NRP2: variants seen among roughly 807,000 people sequenced by gnomAD.
NRP2 encodes the protein neuropilin 2, also known as neuropilin-2.
Under a neutral mutation model 110.4 loss-of-function variants are expected in NRP2, and 52 were observed. The observed-to-expected ratio is 0.47, with a 90% confidence interval of 0.38 to 0.59. The LOEUF is 0.59. NRP2 is among the 20% of genes least tolerant of loss of function. The probability of loss-of-function intolerance (pLI) is 0.00; values close to 1 mark genes in which losing one functional copy is unlikely to be tolerated. For synonymous variants in NRP2, 508 were observed against 468.9 expected, an observed-to-expected ratio of 1.08 and a Z score of -1.08; for missense variants, 1,049 against 1,203.0, an observed-to-expected ratio of 0.87 and a Z score of 1.89.
At position 205,725,927 on chromosome 2, in the gene NRP2, G is replaced by A. The variant is rs748715982; in HGVS notation, c.835G>A (p.Val279Ile). 26 of 1,614,034 alleles carry A rather than the reference G, an allele frequency of 1.6e-5. No homozygotes were observed. The Admixed American group carries it at 4.0e-4, about 25-fold the overall frequency. Residue 279 changes from valine to isoleucine, a missense_variant, in exon 6 of 17, where the codon GTT becomes ATT. By Grantham distance (29) the Val-to-Ile change is conservative. Coordinates refer to ENST00000357785, the MANE Select transcript of NRP2 (RefSeq NM_003872.3). The surrounding 1 kb of genome is among the most constrained non-coding windows in gnomAD (Gnocchi z 4.1). ...QEPLENFQCNVPLGMESGRIA... is the reference protein window; with the variant it reads ...QEPLENFQCNIPLGMESGRIA... Reference sequence around the variant, plus strand: ...GCTTTCCCCAGACTTTCAGTGCAATGTTCCTCTGGGCATGGAGTCTGGCCG... The same window carrying A: ...GCTTTCCCCAGACTTTCAGTGCAATATTCCTCTGGGCATGGAGTCTGGCCG...
intron 2 of NRP2, among the ~76,000 whole-genome samples, chr2:205,704,487 A>G (rs962039323): frequency 6.6e-6 from 1 of 152,112 alleles, no homozygotes; most frequent in African/African-American, 2.4e-5. Context: ...CAATCCTCCT[A>G]ATGACAGAAA....
intron 15 of NRP2, among the ~76,000 whole-genome samples, chr2:205,775,873 A>G (rs947343951): frequency 2.6e-5 from 4 of 152,154 alleles, no homozygotes; most frequent in Admixed American, 6.5e-5. Context: ...AAGAATTAGA[A>G]CACTTCCATA....
chr2:205,727,795 G>A, intron 6 of NRP2, 96 bp from the exon 7 acceptor site: 1 of 1,265,526 alleles, frequency 7.9e-7, no homozygotes, highest in Non-Finnish European at 1.1e-6. Flanking sequence ...GATACAGGTT[G>A]GAAGCAAAGT....
intron 16 of NRP2, among the ~76,000 whole-genome samples, chr2:205,793,558 A>T (rs1450921509): frequency 6.6e-6 from 1 of 152,158 alleles, no homozygotes; most frequent in Admixed American, 6.5e-5. Flanking sequence ...GAAATGTAAG[A>T]TCAACATGTG....
chr2:205,744,576 T>A (rs983121672), intron 9 of NRP2, among the ~76,000 whole-genome samples: 2 of 152,118 alleles, frequency 1.3e-5, no homozygotes, highest in Admixed American at 6.5e-5. Context: ...ACGTCATACC[T>A]CTGTCCCTCC....
intron 7 of NRP2, among the ~76,000 whole-genome samples, chr2:205,734,001 C>A (rs934691584): frequency 1.3e-5 from 2 of 152,168 alleles, no homozygotes; most frequent in Admixed American, 6.5e-5. Flanking sequence ...GCAGCCGCCC[C>A]TGTGCCTCTG....
intron 7 of NRP2, 23 bp from the exon 8 acceptor site, chr2:205,740,496 T>G (rs1284172600): frequency 6.2e-7 from 1 of 1,613,940 alleles, no homozygotes; most frequent in Non-Finnish European, 8.5e-7. Flanking sequence ...TTCAATAACA[T>G]GGTTTTGCAT....
At position 205,686,866 on chromosome 2, in the gene NRP2, C is replaced by G. The variant is rs1369653671; in HGVS notation, c.73+3503C>G. 7.9e-5 allele frequency among the ~76,000 whole-genome samples: 12 copies of G among 152,200 alleles called. No individual in the cohort carries two copies. The highest frequency in any genetic ancestry group is 1.3e-4 in the Non-Finnish European group (9 of 68,048). On this transcript the variant is annotated intron_variant, in intron 1 of 16. Transcript: ENST00000357785. This position sits in a 1 kb window ranked among gnomAD's most constrained non-coding sequence, Gnocchi z 4.7. Reference sequence around the variant, plus strand: ...TCAGACAGAGAGGAGAGCCCCCTGGCGCTAGCCATTCCCGATCAGCGCCCA... The same window carrying G: ...TCAGACAGAGAGGAGAGCCCCCTGGGGCTAGCCATTCCCGATCAGCGCCCA...
At chr2:205,780,999 T>C (rs2058167923) in intron 15 of NRP2, among the ~76,000 whole-genome samples, 1 of 152,182 alleles carries the variant, frequency 6.6e-6, no homozygotes, top group Admixed American at 6.5e-5. Flanking sequence ...TTTGTTCCCA[T>C]TAGTAAAGAA....
At chr2:205,759,370 G>A (rs2057785425) in intron 12 of NRP2, 1 of 152,208 alleles carries the variant, frequency 6.6e-6, no homozygotes, top group Non-Finnish European at 1.5e-5. Context: ...GTTTCTGATG[G>A]TTAGGGTTGT....
intron 15 of NRP2, among the ~76,000 whole-genome samples, chr2:205,772,270 A>G (rs1228228411): frequency 2.6e-5 from 4 of 152,374 alleles, no homozygotes; most frequent in Admixed American, 6.5e-5. Context: ...GTTGTTACAG[A>G]CACGTTTCCC....
intron 2 of NRP2, among the ~76,000 whole-genome samples, chr2:205,707,563 A>T (rs1455132461): frequency 6.6e-6 from 1 of 152,230 alleles, no homozygotes; most frequent in Non-Finnish European, 1.5e-5. Flanking sequence ...CACGTTTTTC[A>T]GATGAGTTTT....
chr2:205,744,248 CTCTT>C (rs1307439240), intron 9 of NRP2, among the ~76,000 whole-genome samples: 3 of 152,308 alleles, frequency 2.0e-5, no homozygotes, highest in African/African-American at 7.2e-5. Flanking sequence ...AAGTTCAACA[CTCTT>C]TATACACTCT....
At chr2:205,774,040 C>A (rs920582836) in intron 15 of NRP2, among the ~76,000 whole-genome samples, 1 of 152,174 alleles carries the variant, frequency 6.6e-6, no homozygotes, top group Admixed American at 6.5e-5. Flanking sequence ...CCAGGACACC[C>A]TTTGGGGAGA....
intron 15 of NRP2, among the ~76,000 whole-genome samples, chr2:205,772,814 G>A (rs950353749): frequency 3.9e-5 from 6 of 152,142 alleles, no homozygotes; most frequent in African/African-American, 7.2e-5. Context: ...TCAGCAATTC[G>A]GGCATCTGGT....
chr2:205,794,868 T>C lies in NRP2; in HGVS notation c.2591T>C (p.Ile864Thr). 6.2e-7 allele frequency: 1 copy of C among 1,614,154 alleles called. No homozygotes were observed. The change falls in exon 17 of 17, where the codon ATC becomes ACC. Residue 864 changes from isoleucine (I) to threonine (T), a missense_variant. Physicochemically the swap from Ile to Thr is moderately conservative, Grantham distance 89 (BLOSUM62 -1). Coordinates refer to ENST00000357785, the MANE Select transcript of NRP2 (RefSeq NM_003872.3). Reference protein sequence around the residue: ...LYTLDPILITIIAMSSLGVLL... With the variant: ...LYTLDPILITTIAMSSLGVLL... ...ACCCTGGATCCCATCCTCATCACCA[T>C]CATCGCCATGAGCTCACTGGGCGTC...
At chr2:205,791,164 A>G (rs1409532388) in intron 15 of NRP2, among the ~76,000 whole-genome samples, 1 of 152,178 alleles carries the variant, frequency 6.6e-6, no homozygotes, top group Non-Finnish European at 1.5e-5. Flanking sequence ...GGGATGGTCT[A>G]AAGTTCTTTT....
intron 7 of NRP2, among the ~76,000 whole-genome samples, chr2:205,737,925 C>T (rs538266783): frequency 4.6e-4 from 70 of 152,326 alleles, no homozygotes; most frequent in African/African-American, 1.6e-3. Context: ...TCAGCTCATA[C>T]ATGCGAGTGC....
chr2:205,747,747 C>G (rs543618649), intron 10 of NRP2, among the ~76,000 whole-genome samples: 23 of 152,296 alleles, frequency 1.5e-4, no homozygotes, highest in Admixed American at 8.5e-4. Flanking sequence ...ATTCTTCCCC[C>G]CATCCCTTGC....
Sources: gnomAD v4.1 joint callset for allele counts (sites outside exome capture counted in the v4.1 genomes callset) on GRCh38, gnomAD v4.1.1 for gene constraint, Gnocchi (gnomAD v3.1) non-coding constraint, MANE v1.5 for transcripts, NCBI Gene and HGNC (gene_info 2026-07-23, HGNC 2026-07-21) for gene names.